DYNC2H1: variants seen among roughly 807,000 people sequenced by gnomAD.
The protein encoded by DYNC2H1 is cytoplasmic dynein 2 heavy chain 1.
DYNC2H1 carries 410 observed loss-of-function variants against 570.0 expected under a neutral mutation model. The ratio of observed to expected loss-of-function variants is 0.72; its 90% confidence interval spans 0.66 to 0.78. The LOEUF is 0.78. Ranked by LOEUF, DYNC2H1 falls within the 30% of genes least tolerant of loss-of-function variation. DYNC2H1 has a pLI of 0.00. For missense variants in DYNC2H1, 4,865 were observed against 5,046.4 expected (o/e 0.96, Z 1.09); for synonymous variants, 1,688 against 1,677.6 (o/e 1.01, Z -0.15).
chr11:103,349,405 A>G (rs190775298), intron 82 of DYNC2H1, among the ~76,000 whole-genome samples: 293 of 152,266 alleles, frequency 1.9e-3, no homozygotes, highest in South Asian at 9.7e-3. Flanking sequence ...GTATTTTGAT[A>G]AATAACAAAA....
intron 82 of DYNC2H1, among the ~76,000 whole-genome samples, chr11:103,333,619 C>T (rs1485487942): frequency 6.6e-6 from 1 of 152,154 alleles, no homozygotes; most frequent in Non-Finnish European, 1.5e-5. Flanking sequence ...AGCCTATATT[C>T]ATGGGAAGAA....
intron 88 of DYNC2H1, among the ~76,000 whole-genome samples, chr11:103,470,333 A>G (rs2128151): frequency 0.14 from 20,631 of 152,254 alleles, 1,666 homozygotes; most frequent in Admixed American, 0.23. Flanking sequence ...ATTTAATTTG[A>G]AAAATAGCTC....
intron 84 of DYNC2H1, chr11:103,406,763 C>T (rs1308222685): frequency 1.3e-5 from 2 of 151,774 alleles, no homozygotes; most frequent in African/African-American, 4.8e-5. Flanking sequence ...AACCACCCAC[C>T]ATAATGGATA....
At chr11:103,233,334 A>G (rs1864085422) in intron 60 of DYNC2H1, among the ~76,000 whole-genome samples, 1 of 151,776 alleles carries the variant, frequency 6.6e-6, no homozygotes, top group Non-Finnish European at 1.5e-5. Context: ...TGGGCATATT[A>G]TAAACACTTA....
At chr11:103,149,154 T>G (rs2134858566) in intron 20 of DYNC2H1, among the ~76,000 whole-genome samples, 2 of 152,336 alleles carry the variant, frequency 1.3e-5, no homozygotes, top group Admixed American at 1.3e-4. Context: ...CTATTTGCAG[T>G]CTATTTTATG....
At chr11:103,267,463 A>T (rs967177885) in intron 70 of DYNC2H1, among the ~76,000 whole-genome samples, 3 of 151,706 alleles carry the variant, frequency 2.0e-5, no homozygotes, top group Admixed American at 2.0e-4. Context: ...ACCTTGTGTA[A>T]AATGGGAAAT....
At position 103,187,559 on chromosome 11, in the gene DYNC2H1, C is replaced by G. The variant is rs371280479; in HGVS notation, c.7113C>G (p.Thr2371=). 6 of 1,613,064 alleles carry G rather than the reference C, an allele frequency of 3.7e-6. No homozygotes were observed. The highest frequency in any genetic ancestry group is 5.1e-6 in the Non-Finnish European group (6 of 1,179,354). ...TACCTAAACTTGATAAATGGGGGACCAGTACTTTGGTAGCATTCCTACAAC... is the reference window on the plus strand; with the variant it reads ...TACCTAAACTTGATAAATGGGGGACGAGTACTTTGGTAGCATTCCTACAAC... ...INLPKLDKWG[T]STLVAFLQQV... is the part of the protein sequence containing the mutation. The change falls in exon 43 of 89, where the codon ACC becomes ACG. Residue 2371 remains threonine, a synonymous_variant. Transcript: ENST00000375735.
intron 85 of DYNC2H1, among the ~76,000 whole-genome samples, chr11:103,450,582 A>T (rs1289643097): frequency 1.3e-5 from 2 of 152,240 alleles, no homozygotes; most frequent in Non-Finnish European, 2.9e-5. Context: ...ACTTGTAAAT[A>T]ACCCATGGGT....
At chr11:103,381,257 C>T (rs956515200) in intron 83 of DYNC2H1, among the ~76,000 whole-genome samples, 3 of 152,086 alleles carry the variant, frequency 2.0e-5, no homozygotes, top group African/African-American at 7.2e-5. Context: ...TCAGCCTTCA[C>T]AGAGATCCTA....
chr11:103,175,244 A>G (rs577053568), intron 36 of DYNC2H1, among the ~76,000 whole-genome samples: 19 of 152,182 alleles, frequency 1.2e-4, no homozygotes, highest in Non-Finnish European at 2.6e-4. Flanking sequence ...AAAGGACCAC[A>G]TGAAATTACC....
intron 82 of DYNC2H1, among the ~76,000 whole-genome samples, chr11:103,357,326 A>G (rs1362299993): frequency 6.6e-6 from 1 of 152,116 alleles, no homozygotes; most frequent in Non-Finnish European, 1.5e-5. Context: ...TAAATAGGGA[A>G]TATTTACCTT....
At position 103,192,530 on chromosome 11, in the gene DYNC2H1, GT is replaced by G. The variant is rs36022892; in HGVS notation, c.7708+275del. The stretch of plus-strand genomic sequence containing the variant: ...GCAATGCAAGATTATTTTAATAAAA[GT>G]TTTTTTTTGAAAAACAGTTACATGT... On this transcript the variant is annotated intron_variant, in intron 47 of 88. Coordinates refer to ENST00000375735, the MANE Select transcript of DYNC2H1 (RefSeq NM_001377.3). Among the ~76,000 whole-genome samples, 8 of 151,490 alleles carry G rather than the reference GT, an allele frequency of 5.3e-5. No homozygotes were observed. The East Asian group carries it at 5.8e-4, about 11-fold the overall frequency.
Position 103,170,949 on chromosome 11 carries a change from T to C in DYNC2H1, c.5215T>C (p.Cys1739Arg). The change falls in exon 34 of 89, where the codon TGT (cysteine) becomes CGT (arginine). Residue 1739 changes from cysteine (C) to arginine (R), a missense_variant. Coordinates refer to ENST00000375735, the MANE Select transcript of DYNC2H1 (RefSeq NM_001377.3). The surrounding 1 kb of genome is among the most constrained non-coding windows in gnomAD (Gnocchi z 4.8). ...TTTGGTGAAGTGTGGGGCCTGGGGT[T>C]GTTTTGATGAATTTAATAGGCTGGA... ...VGLVKCGAWG[C>R]FDEFNRLEES... 1 of 1,607,176 alleles carries C rather than the reference T, an allele frequency of 6.2e-7. No individual in the cohort carries two copies. Among genetic ancestry groups the C allele is most frequent in the Non-Finnish European group, 8.5e-7 (1 of 1,175,602 alleles).
chr11:103,458,194 A>G (rs997244459), intron 87 of DYNC2H1, among the ~76,000 whole-genome samples: 12 of 151,956 alleles, frequency 7.9e-5, no homozygotes, highest in African/African-American at 2.7e-4. Context: ...TATCTTTTAT[A>G]CTCTCTTTAC....
Position 103,203,828 on chromosome 11 carries a change from A to G in DYNC2H1, c.8311+52A>G, listed in dbSNP as rs1862816861. ...AATCAAACTGGTTTGTATGAAATAT[A>G]TATCATTTAATTTGCCTTATTTTGT... On this transcript the variant is annotated intron_variant, in intron 51 of 88. Coordinates refer to ENST00000375735, the MANE Select transcript of DYNC2H1 (RefSeq NM_001377.3). This position sits in a 1 kb window ranked among gnomAD's most constrained non-coding sequence, Gnocchi z 4.7. The G allele has an allele frequency of 1.6e-6, 2 of 1,239,484 alleles. No individual in the cohort carries two copies. The highest frequency in any genetic ancestry group is 2.4e-5 in the East Asian group (1 of 41,368). The allele number at this position is 1,239,484 out of a possible 1,614,324, so 76.8% of individuals were successfully genotyped here. A position where few individuals can be genotyped will look rare whatever the true frequency, so the allele number is the denominator to read the frequency against.
chr11:103,278,031 C>A (rs1243608207), intron 70 of DYNC2H1, among the ~76,000 whole-genome samples: 23 of 152,124 alleles, frequency 1.5e-4, no homozygotes, highest in Non-Finnish European at 2.9e-5. Context: ...GACTGTTTTC[C>A]TCTAAGGCAG....
At chr11:103,356,828 G>T (rs960107453) in intron 82 of DYNC2H1, among the ~76,000 whole-genome samples, 1 of 152,064 alleles carries the variant, frequency 6.6e-6, no homozygotes, top group African/African-American at 2.4e-5. Flanking sequence ...AAGATTTATG[G>T]CCCTGATTTT....
Position 103,170,323 on chromosome 11 carries a change from T to A in DYNC2H1, c.5151+33T>A, listed in dbSNP as rs1333090917. ...AAATAATTATCAAAATATGTAACAA[T>A]GGGTTAATCATATTTAGATTAGTTT... On this transcript the variant is annotated intron_variant, in intron 33 of 88. Transcript: ENST00000375735. The surrounding 1 kb of genome is among the most constrained non-coding windows in gnomAD (Gnocchi z 4.8). The A allele has an allele frequency of 2.0e-6, 3 of 1,506,676 alleles. No individual in the cohort carries two copies. The highest frequency in any genetic ancestry group is 2.7e-6 in the Non-Finnish European group (3 of 1,125,172). 93.3% of individuals were successfully genotyped at this position (1,506,676 alleles called of 1,614,324 possible). A position where few individuals can be genotyped will look rare whatever the true frequency, so the allele number is the denominator to read the frequency against.
rs1396698311 is a variant in DYNC2H1 at position 103,151,431 on chromosome 11, T to A, written c.2947-705T>A. Among the ~76,000 whole-genome samples the A allele has an allele frequency of 2.0e-5, 3 of 152,194 alleles. No individual in the cohort carries two copies. Among genetic ancestry groups the A allele is most frequent in the African/African-American group, 7.2e-5 (3 of 41,448 alleles). ...CCTTTGTTGTCTGTTTTATTATATA[T>A]GCATACTGATATTTAAAAATGTTTA... is the stretch of plus-strand genomic sequence containing the variant. On this transcript the variant is annotated intron_variant, in intron 20 of 88. Transcript: ENST00000375735. This position sits in a 1 kb window ranked among gnomAD's most constrained non-coding sequence, Gnocchi z 4.6.
Sources: allele counts gnomAD v4.1 joint callset (sites outside exome capture counted in the v4.1 genomes callset), GRCh38; gene constraint gnomAD v4.1.1; non-coding constraint Gnocchi (gnomAD v3.1); transcripts MANE v1.5; gene names NCBI Gene and HGNC (gene_info 2026-07-23, HGNC 2026-07-21).